The following CLVS1 variants were observed in gnomAD, a reference collection of about 807,000 sequenced individuals.
The protein encoded by CLVS1 is clavesin 1.
In CLVS1, 10 loss-of-function variants were observed where a neutral mutation model predicts 33.1. The observed-to-expected ratio is 0.30, with a 90% CI of 0.19 to 0.51. The LOEUF is 0.51. CLVS1 is among the 20% of genes least tolerant of loss of function. CLVS1 has a pLI of 0.97. For synonymous variants in CLVS1, 163 were observed against 166.1 expected (o/e 0.98, Z 0.14); for missense variants, 343 against 433.4 (o/e 0.79, Z 1.85).
At chr8:61,207,495 T>G (rs577692337) in intron 2 of CLVS1, among the ~76,000 whole-genome samples, 1 of 152,342 alleles carries the variant, frequency 6.6e-6, no homozygotes, top group East Asian at 1.9e-4. Context: ...ACTCTTTTTA[T>G]CTTTTTAAGT....
the CLVS1 span, among the ~76,000 whole-genome samples, chr8:60,973,725 G>A: frequency 9.9e-5 from 15 of 152,130 alleles, no homozygotes; most frequent in African/African-American, 3.4e-4. Context: ...GAATGCCCCC[G>A]GAAGGACATA....
At chr8:61,183,753 TTA>T (rs1349144573) in intron 2 of CLVS1, among the ~76,000 whole-genome samples, 1 of 152,160 alleles carries the variant, frequency 6.6e-6, no homozygotes, top group Non-Finnish European at 1.5e-5. Context: ...GATTTGAATA[TTA>T]GAGAAAACTT....
intron 3 of CLVS1, among the ~76,000 whole-genome samples, chr8:61,442,328 G>C (rs1230410159): frequency 6.6e-6 from 1 of 152,106 alleles, no homozygotes; most frequent in African/African-American, 2.4e-5. Flanking sequence ...GTACCAGTTT[G>C]CTTAACCATT....
chr8:61,251,383 T>C lies in CLVS1; in HGVS notation c.-151-48294T>C, dbSNP rs1003053008. On this transcript the variant is annotated intron_variant, in intron 2 of 2. Transcript: ENST00000522621. ...ATTGGCGTGAAATTTTGTTTTTTTG[T>C]GGTGTCTCTGCCAGGCTTTGGTATT... is the stretch of plus-strand genomic sequence containing the variant. 2.0e-5 allele frequency among the ~76,000 whole-genome samples: 3 copies of C among 152,198 alleles called. No homozygotes were observed. The East Asian group carries it at 5.8e-4, about 29-fold the overall frequency.
At chr8:61,308,483 G>C (rs1810711269) in intron 2 of CLVS1, among the ~76,000 whole-genome samples, 2 of 152,126 alleles carry the variant, frequency 1.3e-5, no homozygotes, top group Admixed American at 6.5e-5. Flanking sequence ...CACGGTGGAG[G>C]GGATCGGCAG....
chr8:61,094,891 C>G (rs9298046), intron 1 of CLVS1, among the ~76,000 whole-genome samples: 31,085 of 152,152 alleles, frequency 0.2, 3,370 homozygotes, highest in South Asian at 0.25. Flanking sequence ...GCAGCCCTAG[C>G]AGACTAACAC....
chr8:61,208,831 C>T (rs2129306792), intron 2 of CLVS1, among the ~76,000 whole-genome samples: 1 of 152,254 alleles, frequency 6.6e-6, no homozygotes, highest in East Asian at 1.9e-4. Context: ...TGTGATCTGC[C>T]CACCTCGGCC....
At chr8:61,018,003 T>C in the CLVS1 span, among the ~76,000 whole-genome samples, 14 of 152,328 alleles carry the variant, frequency 9.2e-5, no homozygotes, top group South Asian at 1.5e-3. Context: ...GGCAGAAAGA[T>C]GAAAAACCTG....
intron 2 of CLVS1, among the ~76,000 whole-genome samples, chr8:61,245,560 G>A (rs981979974): frequency 3.3e-5 from 5 of 151,622 alleles, no homozygotes; most frequent in Admixed American, 2.0e-4. Context: ...TTTTATAGTC[G>A]TCTTTTGTCC....
intron 5 of CLVS1, among the ~76,000 whole-genome samples, chr8:61,476,871 G>A (rs1270787010): frequency 6.6e-6 from 1 of 152,178 alleles, no homozygotes; most frequent in African/African-American, 2.4e-5. Context: ...TCCCTGTCTT[G>A]TGCCAGTTTT....
At chr8:61,442,193 G>C (rs1204607504) in intron 3 of CLVS1, among the ~76,000 whole-genome samples, 1 of 152,134 alleles carries the variant, frequency 6.6e-6, no homozygotes, top group East Asian at 1.9e-4. Context: ...TGGAATCATA[G>C]AGTATGTAAT....
At chr8:61,051,505 AG>A in the CLVS1 span, among the ~76,000 whole-genome samples, 1 of 152,166 alleles carries the variant, frequency 6.6e-6, no homozygotes, top group African/African-American at 2.4e-5. Context: ...AGGCCAGGGG[AG>A]GATGCCCTCC....
At chr8:61,434,640 G>A (rs1202594512) in intron 3 of CLVS1, among the ~76,000 whole-genome samples, 1 of 152,214 alleles carries the variant, frequency 6.6e-6, no homozygotes, top group Non-Finnish European at 1.5e-5. Flanking sequence ...ACATTTTCTG[G>A]TTGGCAGTTG....
intron 2 of CLVS1, among the ~76,000 whole-genome samples, chr8:61,349,562 A>G (rs984043493): frequency 2.0e-5 from 3 of 152,066 alleles, no homozygotes; most frequent in African/African-American, 7.2e-5. Flanking sequence ...TACAGGAAAC[A>G]TACCAGGAAG....
chr8:61,426,321 G>T (rs1168362335), intron 3 of CLVS1, among the ~76,000 whole-genome samples: 1 of 152,148 alleles, frequency 6.6e-6, no homozygotes, highest in Admixed American at 6.5e-5. Flanking sequence ...GCAGTACCTT[G>T]TTACTTCTAG....
chr8:61,453,527 A>G (rs1239478646), intron 3 of CLVS1, among the ~76,000 whole-genome samples: 1 of 152,174 alleles, frequency 6.6e-6, no homozygotes, highest in East Asian at 1.9e-4. Context: ...TCTTTTCCCT[A>G]GGATCTACTA....
At chr8:61,420,494 C>T (rs1815614774) in intron 3 of CLVS1, among the ~76,000 whole-genome samples, 3 of 152,020 alleles carry the variant, frequency 2.0e-5, no homozygotes, top group South Asian at 2.1e-4. Flanking sequence ...CCGAGCTACT[C>T]GGGAGGCTGA....
intron 5 of CLVS1, among the ~76,000 whole-genome samples, chr8:61,468,735 A>AAGAAAAG (rs1554578173): frequency 2.2e-5 from 3 of 138,770 alleles, no homozygotes; most frequent in East Asian, 2.0e-4. Flanking sequence ...AAAAAAAAAA[A>AAGAAAAG]AAAAGGTAGT....
At chr8:61,140,456 A>C (rs1048199120) in intron 2 of CLVS1, among the ~76,000 whole-genome samples, 3 of 152,248 alleles carry the variant, frequency 2.0e-5, no homozygotes, top group Non-Finnish European at 4.4e-5. Flanking sequence ...GGTTGAGTCA[A>C]ATTCCTACCT....
Sources: allele counts gnomAD v4.1 joint callset (sites outside exome capture counted in the v4.1 genomes callset), GRCh38; gene constraint gnomAD v4.1.1; transcripts MANE v1.5; gene names NCBI Gene and HGNC (gene_info 2026-07-23, HGNC 2026-07-21).